PI4K2B: variants seen among roughly 807,000 people sequenced by gnomAD.
The protein encoded by PI4K2B is phosphatidylinositol 4-kinase type 2 beta.
Under a neutral mutation model 56.6 loss-of-function variants are expected in PI4K2B, and 46 were observed. The ratio of observed to expected loss-of-function variants is 0.81; its 90% CI spans 0.64 to 1.04. The LOEUF (loss-of-function observed/expected upper bound fraction) is 1.04, where lower values mean the gene tolerates loss of function less well. Among genes scored for constraint, PI4K2B ranks in the 50% least tolerant of loss-of-function variants. The pLI, the probability that PI4K2B is intolerant of heterozygous loss-of-function variation, is 0.00. For missense variants in PI4K2B, 556 were observed against 607.7 expected, an observed-to-expected ratio of 0.91 and a Z score of 0.89; for synonymous variants, 211 against 223.8, an observed-to-expected ratio of 0.94 and a Z score of 0.51.
intron 5 of PI4K2B, 33 bp from the exon 6 acceptor site, chr4:25,260,491 T>C: frequency 1.0e-6 from 1 of 986,398 alleles, no homozygotes; most frequent in Admixed American, 2.7e-5. Context: ...TCCATAGAAA[T>C]GAAGTAACAG....
intron 9 of PI4K2B, among the ~76,000 whole-genome samples, chr4:25,271,945 T>G (rs1716913181): frequency 6.6e-6 from 1 of 152,092 alleles, no homozygotes; most frequent in South Asian, 2.1e-4. Flanking sequence ...GAGTTCAAGA[T>G]CAGCCTGGGC....
At chr4:25,269,434 C>T (rs907320289) in intron 9 of PI4K2B, among the ~76,000 whole-genome samples, 2 of 152,100 alleles carry the variant, frequency 1.3e-5, no homozygotes, top group South Asian at 4.1e-4. Flanking sequence ...GTCAGGAGTT[C>T]GAGACCAGCC....
chr4:25,243,216 C>T (rs28773581), intron 1 of PI4K2B, among the ~76,000 whole-genome samples: 4,791 of 152,290 alleles, frequency 0.031, 122 homozygotes, highest in African/African-American at 0.063. Context: ...GCCCCGGGCA[C>T]CCTCAGTCCT....
intron 1 of PI4K2B, among the ~76,000 whole-genome samples, chr4:25,248,059 A>C (rs1715871295): frequency 6.6e-6 from 1 of 152,208 alleles, no homozygotes; most frequent in African/African-American, 2.4e-5. Flanking sequence ...AGATATGGTA[A>C]AGATGGGTAG....
intron 1 of PI4K2B, among the ~76,000 whole-genome samples, chr4:25,251,922 C>G (rs1716072086): frequency 1.3e-5 from 2 of 152,118 alleles, no homozygotes; most frequent in South Asian, 4.2e-4. Context: ...CTCCCAGATT[C>G]AAGTGATTCT....
intron 3 of PI4K2B, among the ~76,000 whole-genome samples, chr4:25,256,018 A>C (rs1716250405): frequency 6.6e-6 from 1 of 152,208 alleles, no homozygotes; most frequent in South Asian, 2.1e-4. Context: ...TGCTGGGCTC[A>C]GGTGATCCTC....
At chr4:25,262,422 T>G (rs1716513193) in intron 6 of PI4K2B, among the ~76,000 whole-genome samples, 2 of 152,220 alleles carry the variant, frequency 1.3e-5, no homozygotes, top group Admixed American at 6.5e-5. Flanking sequence ...CTGTTAGATT[T>G]TGCTGAAAAT....
chr4:25,251,800 C>T (rs1313155615), intron 1 of PI4K2B, among the ~76,000 whole-genome samples: 2 of 130,168 alleles, frequency 1.5e-5, no homozygotes, highest in Non-Finnish European at 3.3e-5. Flanking sequence ...CAGTTAACTT[C>T]CTCCCATGTT....
chr4:25,237,899 G>A lies in PI4K2B; in HGVS notation c.268+3468G>A, dbSNP rs552408412. ...AAGACCCTGTCTCAAAAGAAAAAAA[G>A]AAAAAGCACAAAGAAGTGAAGTGAC... On this transcript the variant is annotated intron_variant, in intron 1 of 9. Transcript: ENST00000264864. 1.2e-3 allele frequency among the ~76,000 whole-genome samples: 177 copies of A among 152,238 alleles called. 2 individuals carry two copies. The South Asian group carries it at 0.022, about 19-fold the overall frequency.
In PI4K2B at chr4:25,255,165, T is replaced by C; in HGVS notation, c.524T>C (p.Phe175Ser). 6.2e-7 allele frequency: 1 copy of C among 1,614,160 alleles called. No individual in the cohort carries two copies. Among genetic ancestry groups the C allele is most frequent in the Non-Finnish European group, 8.5e-7 (1 of 1,180,000 alleles). Residue 175 changes from phenylalanine (F) to serine (S), a missense_variant, in exon 3 of 10, where the codon TTT becomes TCT. Physicochemically the swap from Phe to Ser is radical, Grantham distance 155. Transcript: ENST00000264864. Reference protein sequence around the residue: ...YVHKVCCPCCFGRGCLIPNQG... With the variant: ...YVHKVCCPCCSGRGCLIPNQG... The stretch of plus-strand genomic sequence containing the variant: ...CATAAGGTCTGCTGCCCTTGCTGCT[T>C]TGGCCGAGGCTGCCTGATTCCTAAT...
At chr4:25,245,074 G>A (rs926443398) in intron 1 of PI4K2B, among the ~76,000 whole-genome samples, 2 of 152,104 alleles carry the variant, frequency 1.3e-5, no homozygotes, top group Non-Finnish European at 2.9e-5. Flanking sequence ...CAATTTCTGA[G>A]GCTCCCCATA....
intron 2 of PI4K2B, among the ~76,000 whole-genome samples, chr4:25,253,924 A>G (rs1577686454): frequency 6.6e-6 from 1 of 152,146 alleles, no homozygotes; most frequent in Admixed American, 6.6e-5. Context: ...GGCGCTCGCC[A>G]CCACGCCGAG....
chr4:25,275,857 A>C (rs945163430), intron 9 of PI4K2B, among the ~76,000 whole-genome samples: 1 of 152,132 alleles, frequency 6.6e-6, no homozygotes, highest in East Asian at 1.9e-4. Context: ...TAATCTCAGC[A>C]CTTTAAGAGG....
chr4:25,255,962 A>G (rs35828856), intron 3 of PI4K2B, among the ~76,000 whole-genome samples: 37 of 148,914 alleles, frequency 2.5e-4, no homozygotes, highest in African/African-American at 9.2e-4. Flanking sequence ...TCTCGTGCCC[A>G]GGCTGGAGTA....
chr4:25,266,511 G>A (rs73252571), intron 7 of PI4K2B, among the ~76,000 whole-genome samples: 12 of 152,176 alleles, frequency 7.9e-5, no homozygotes, highest in African/African-American at 2.4e-4. Flanking sequence ...CCTATTAAAC[G>A]TGAATTGTAA....
At chr4:25,249,796 C>T (rs1715969316) in intron 1 of PI4K2B, among the ~76,000 whole-genome samples, 1 of 152,190 alleles carries the variant, frequency 6.6e-6, no homozygotes, top group South Asian at 2.1e-4. Context: ...GGCAGAGACG[C>T]TCCTCACTTC....
chr4:25,252,570 A>G (rs1198170308), intron 2 of PI4K2B, 95 bp downstream of exon 2: 2 of 889,208 alleles, frequency 2.2e-6, no homozygotes, highest in African/African-American at 1.7e-5. Flanking sequence ...ATATTTTCCT[A>G]TTAAGTCTGA....
At position 25,259,144 on chromosome 4, in the gene PI4K2B, AC is replaced by A; in HGVS notation, c.865del (p.Gln289AsnfsTer5). On this transcript the variant is annotated frameshift_variant, in exon 5 of 10. Coordinates refer to ENST00000264864, the MANE Select transcript of PI4K2B (RefSeq NM_018323.4). LOFTEE classifies it high-confidence loss of function. Reference sequence around the variant, plus strand: ...AGAATATTAGAAAACAATTTCAGTCACAATTTGAAAGATTAGTTATTTTGGA... The same window carrying A: ...AGAATATTAGAAAACAATTTCAGTCAAATTTGAAAGATTAGTTATTTTGGA... ...PENIRKQFQS[Q>X]FERLVILDYI... 1 of 1,582,270 alleles carries A rather than the reference AC, an allele frequency of 6.3e-7. No individual in the cohort carries two copies. Among genetic ancestry groups the A allele is most frequent in the East Asian group, 2.2e-5 (1 of 44,654 alleles).
intron 1 of PI4K2B, among the ~76,000 whole-genome samples, chr4:25,251,826 G>A (rs67835565): frequency 2.3e-4 from 34 of 150,612 alleles, no homozygotes; most frequent in South Asian, 6.3e-4. Flanking sequence ...TGTTGTTGTT[G>A]TTATTATTAT....
Sources: gnomAD v4.1 joint callset for allele counts (sites outside exome capture counted in the v4.1 genomes callset) on GRCh38, gnomAD v4.1.1 for gene constraint, MANE v1.5 for transcripts, NCBI Gene and HGNC (gene_info 2026-07-23, HGNC 2026-07-21) for gene names.